Variants in FAM193A observed in about 807,000 individuals in gnomAD.
FAM193A encodes the protein family with sequence similarity 193 member A.
A neutral mutation model predicts 126.5 loss-of-function variants in FAM193A; 22 were observed. The observed-to-expected ratio is 0.17, with a 90% confidence interval of 0.12 to 0.25. The LOEUF is 0.25. Among genes scored for constraint, FAM193A ranks in the 10% least tolerant of loss-of-function variants. FAM193A has a pLI of 1.00. For missense variants in FAM193A, 1,675 were observed against 1,672.8 expected (o/e 1.00, Z -0.02); for synonymous variants, 761 against 646.8 (o/e 1.18, Z -2.68).
chr4:2,593,239 T>C (rs756303254), intron 1 of FAM193A, among the ~76,000 whole-genome samples: 3 of 152,188 alleles, frequency 2.0e-5, no homozygotes, highest in Admixed American at 6.5e-5. Context: ...GCTGCTGCTG[T>C]CTGGCTCCTG....
chr4:2,568,517 G>C (rs527259209), intron 1 of FAM193A, among the ~76,000 whole-genome samples: 46 of 152,264 alleles, frequency 3.0e-4, no homozygotes, highest in African/African-American at 9.9e-4. Context: ...GACCCTGTCT[G>C]TAAAAATAAA....
Position 2,690,683 on chromosome 4 carries a change from T to C in FAM193A, c.2531-15T>C, listed in dbSNP as rs376030240. 2 of 1,598,340 alleles carry C rather than the reference T, an allele frequency of 1.3e-6. No homozygotes were observed. Among genetic ancestry groups the C allele is most frequent in the Admixed American group, 1.8e-5 (1 of 56,714 alleles). ...TTGCTGTCAGAAGCCTTAATTTTCC[T>C]GTTCTTCTTTGAAGGGAGTGAAATA... On this transcript the variant is annotated splice_polypyrimidine_tract_variant and intron_variant, in intron 14 of 20. Transcript: ENST00000637812.
At chr4:2,580,982 A>C (rs1739889856) in intron 1 of FAM193A, among the ~76,000 whole-genome samples, 2 of 151,986 alleles carry the variant, frequency 1.3e-5, no homozygotes, top group African/African-American at 4.8e-5. Context: ...ACAAAAAATT[A>C]GCCGGGTGTG....
chr4:2,723,465 C>T (rs978198567), intron 20 of FAM193A, among the ~76,000 whole-genome samples: 2 of 148,906 alleles, frequency 1.3e-5, no homozygotes, highest in African/African-American at 5.0e-5. Context: ...ATCCCAGCTG[C>T]TCGGGAGGCT....
At chr4:2,577,435 T>TTTTTTTTTTTTTTTA in intron 1 of FAM193A, among the ~76,000 whole-genome samples, 1 of 148,732 alleles carries the variant, frequency 6.7e-6, no homozygotes, top group Admixed American at 6.7e-5. Flanking sequence ...TTTTTTTTTT[T>TTTTTTTTTTTTTTTA]TGAGACAGAG....
rs190157819 is a variant in FAM193A, at chr4:2,630,431, A to T, written c.804-504A>T. Among the ~76,000 whole-genome samples, 474 of 152,328 alleles carry T rather than the reference A, an allele frequency of 3.1e-3. 2 individuals carry two copies. The highest frequency in any genetic ancestry group is 0.01 in the African/African-American group (436 of 41,568). On this transcript the variant is annotated intron_variant, in intron 4 of 20. Coordinates refer to ENST00000637812, the MANE Select transcript of FAM193A (RefSeq NM_001366318.2). ...GAACTTCTAGAAAGAAGGAAAGAGC[A>T]GGCTGCCGCAGATCTGCAGCCAGGT...
intron 1 of FAM193A, among the ~76,000 whole-genome samples, chr4:2,582,814 A>G (rs770775848): frequency 2.0e-5 from 3 of 151,996 alleles, no homozygotes; most frequent in Non-Finnish European, 2.9e-5. Flanking sequence ...ATTCTGTCTT[A>G]AGTCTTCTTT....
At chr4:2,684,575 A>G (rs1351615728) in intron 13 of FAM193A, among the ~76,000 whole-genome samples, 2 of 152,122 alleles carry the variant, frequency 1.3e-5, no homozygotes, top group African/African-American at 4.8e-5. Flanking sequence ...TGTTTTGCTC[A>G]GCTTACTCTG....
intron 2 of FAM193A, among the ~76,000 whole-genome samples, chr4:2,614,955 T>G (rs1475406098): frequency 6.6e-6 from 1 of 152,248 alleles, no homozygotes; most frequent in Non-Finnish European, 1.5e-5. Context: ...TTATTCCTGA[T>G]ACCAGTTTTT....
intron 2 of FAM193A, among the ~76,000 whole-genome samples, chr4:2,620,836 C>CAAAAAAAAAAAAAA (rs34305537): frequency 1.7e-4 from 12 of 69,090 alleles, no homozygotes; most frequent in African/African-American, 6.1e-4. Flanking sequence ...AACTCCGTCT[C>CAAAAAAAAAAAAAA]AAAAAAAAAA....
chr4:2,660,109 G>T, intron 10 of FAM193A, 55 bp downstream of exon 10: 1 of 1,566,764 alleles, frequency 6.4e-7, no homozygotes, highest in Non-Finnish European at 8.7e-7. Flanking sequence ...CCAGTAATGA[G>T]AAATACATAC....
At chr4:2,723,530 T>C in intron 20 of FAM193A, among the ~76,000 whole-genome samples, 1 of 139,648 alleles carries the variant, frequency 7.2e-6, no homozygotes, top group Non-Finnish European at 1.5e-5. Context: ...GTTGAGATCG[T>C]GCCACTGCAC....
rs10010434 is a variant in FAM193A, at chr4:2,699,813, G to T, written c.3641G>T (p.Arg1214Leu). Residue 1214 changes from arginine to leucine, a missense_variant, in exon 19 of 21, where the codon CGG (arginine) becomes CTG (leucine). Around this residue, in one of 4 missense-constraint regions of FAM193A, gnomAD observed 415 missense variants for 396.7 expected, o/e 1.05. Transcript: ENST00000637812. ...GATCGTTTCAAGGAGGAATTTCAGC[G>T]GCTTCAGGAGCTTCAGAAGCTAAGA... ...EEDRFKEEFQ[R>L]LQELQKLRAV... The T allele has an allele frequency of 1.2e-6, 2 of 1,613,772 alleles. No homozygotes were observed. The highest frequency in any genetic ancestry group is 8.5e-7 in the Non-Finnish European group (1 of 1,179,874).
In FAM193A at chr4:2,672,344, A is replaced by G; in HGVS notation, c.2303A>G (p.Tyr768Cys). 7 of 1,614,178 alleles carry G rather than the reference A, an allele frequency of 4.3e-6. No homozygotes were observed. The South Asian group carries it at 4.4e-5, about 10-fold the overall frequency. Residue 768 changes from tyrosine to cysteine, a missense_variant, in exon 13 of 21, where the codon TAT becomes TGT. Transcript: ENST00000637812. ...CGCCCTCTCATCCACCCCACCTTGTATGCAACGCCCCCCTTCACACACAGT... is the reference window on the plus strand; with the variant it reads ...CGCCCTCTCATCCACCCCACCTTGTGTGCAACGCCCCCCTTCACACACAGT... ...LPRPLIHPTL[Y>C]ATPPFTHSKA...
intron 10 of FAM193A, among the ~76,000 whole-genome samples, chr4:2,661,936 C>T (rs3775070): frequency 0.32 from 49,387 of 152,074 alleles, 9,484 homozygotes; most frequent in Admixed American, 0.52. Context: ...GTAATCCCAG[C>T]ACTTTGGGAG....
chr4:2,589,059 C>T (rs1010056690), intron 1 of FAM193A, among the ~76,000 whole-genome samples: 1 of 152,184 alleles, frequency 6.6e-6, no homozygotes, highest in Non-Finnish European at 1.5e-5. Flanking sequence ...GAAACTTGCC[C>T]TGGCATCCAG....
intron 1 of FAM193A, among the ~76,000 whole-genome samples, chr4:2,570,912 A>G (rs1739255649): frequency 6.6e-6 from 1 of 152,176 alleles, no homozygotes; most frequent in African/African-American, 2.4e-5. Context: ...CCGAACACAC[A>G]GGGCCTATTT....
chr4:2,667,077 C>G (rs922482371), intron 12 of FAM193A, among the ~76,000 whole-genome samples: 1 of 152,148 alleles, frequency 6.6e-6, no homozygotes, highest in African/African-American at 2.4e-5. Context: ...TTGTTGATGG[C>G]CTAACATATA....
chr4:2,685,119 C>CT (rs1715588257), intron 13 of FAM193A, among the ~76,000 whole-genome samples: 1 of 152,152 alleles, frequency 6.6e-6, no homozygotes, highest in Admixed American at 6.5e-5. Context: ...AGGGATGTCT[C>CT]TAAGTCTCCA....
Sources: gnomAD v4.1 joint callset for allele counts (sites outside exome capture counted in the v4.1 genomes callset) on GRCh38, gnomAD v4.1.1 for gene constraint, gnomAD v4.1.1 regional missense constraint, MANE v1.5 for transcripts, NCBI Gene and HGNC (gene_info 2026-07-23, HGNC 2026-07-21) for gene names.